ACYP2: variants seen among roughly 807,000 people sequenced by gnomAD.
The protein encoded by ACYP2 is acylphosphatase 2, also known as acylphosphatase-2.
Under a neutral mutation model 11.2 loss-of-function variants are expected in ACYP2, and 12 were observed. The ratio of observed to expected loss-of-function variants is 1.08; its 90% CI spans 0.69 to 1.74. The LOEUF (loss-of-function observed/expected upper bound fraction) is 1.74, where lower values mean the gene tolerates loss of function less well. Among genes scored for constraint, ACYP2 ranks in the 40% most tolerant of loss-of-function variants. ACYP2 has a pLI of 0.00. For synonymous variants in ACYP2, 43 were observed against 32.2 expected (o/e 1.33, Z -1.13); for missense variants, 134 against 101.9 (o/e 1.31, Z -1.35).
intron 2 of ACYP2, among the ~76,000 whole-genome samples, chr2:53,998,792 G>C (rs1039088374): frequency 6.6e-6 from 1 of 152,070 alleles, no homozygotes; most frequent in Admixed American, 6.6e-5. Flanking sequence ...CTCCAGCCTG[G>C]AGGACTGGGT....
At chr2:54,047,616 G>A (rs1386463080) in intron 2 of ACYP2, among the ~76,000 whole-genome samples, 2 of 152,198 alleles carry the variant, frequency 1.3e-5, no homozygotes, top group African/African-American at 4.8e-5. Flanking sequence ...GGAATGAAAT[G>A]TGGAGGTGAG....
At chr2:54,007,060 A>G (rs1673102759) in intron 2 of ACYP2, among the ~76,000 whole-genome samples, 1 of 146,346 alleles carries the variant, frequency 6.8e-6, no homozygotes, top group Non-Finnish European at 1.5e-5. Flanking sequence ...AGGAGGCGGA[A>G]CCTAGGAGGT....
At chr2:54,289,341 G>A (rs999083457) in intron 6 of ACYP2, among the ~76,000 whole-genome samples, 2 of 151,970 alleles carry the variant, frequency 1.3e-5, no homozygotes, top group African/African-American at 2.4e-5. Flanking sequence ...AACTACAGCA[G>A]ATTTAAGTCA....
chr2:54,243,630 C>T (rs1166033981), intron 6 of ACYP2, among the ~76,000 whole-genome samples: 1 of 152,096 alleles, frequency 6.6e-6, no homozygotes, highest in African/African-American at 2.4e-5. Context: ...GAGTAATCCC[C>T]ACAATCTCAG....
intron 4 of ACYP2, among the ~76,000 whole-genome samples, chr2:54,096,705 C>G (rs1050148172): frequency 2.6e-5 from 4 of 152,170 alleles, no homozygotes; most frequent in Admixed American, 6.5e-5. Flanking sequence ...TGGCGGCGCG[C>G]GCCTGCAATC....
chr2:54,015,675 AC>A (rs1673648028), intron 2 of ACYP2, among the ~76,000 whole-genome samples: 5 of 151,866 alleles, frequency 3.3e-5, no homozygotes, highest in African/African-American at 9.7e-5. Flanking sequence ...ACACACACAC[AC>A]ACACACACAC....
intron 2 of ACYP2, among the ~76,000 whole-genome samples, chr2:54,035,268 T>TA (rs1452709366): frequency 1.6e-5 from 2 of 127,674 alleles, no homozygotes; most frequent in East Asian, 7.2e-4. Flanking sequence ...TCTTTTTCTT[T>TA]TTTTTTTTTT....
At chr2:54,203,935 C>A (rs1196359127) in intron 6 of ACYP2, among the ~76,000 whole-genome samples, 1 of 152,104 alleles carries the variant, frequency 6.6e-6, no homozygotes, top group East Asian at 1.9e-4. Context: ...GAATGCAGTC[C>A]AGCACAAATT....
intron 4 of ACYP2, among the ~76,000 whole-genome samples, chr2:54,114,097 T>C: frequency 6.6e-6 from 1 of 152,216 alleles, no homozygotes; most frequent in East Asian, 1.9e-4. Flanking sequence ...TCTAATAGAA[T>C]TGGCACAGTA....
At chr2:54,134,473 A>C (rs1681108384) in intron 4 of ACYP2, among the ~76,000 whole-genome samples, 1 of 152,200 alleles carries the variant, frequency 6.6e-6, no homozygotes, top group Non-Finnish European at 1.5e-5. Context: ...TTAAGAAGAT[A>C]TCTTAAAAGT....
chr2:54,028,699 T>G (rs114837011), intron 2 of ACYP2, among the ~76,000 whole-genome samples: 1 of 152,166 alleles, frequency 6.6e-6, no homozygotes, highest in Non-Finnish European at 1.5e-5. Context: ...TTCGGTCCCA[T>G]TGAATTCCCC....
chr2:54,241,815 C>T (rs1245153039), intron 6 of ACYP2, among the ~76,000 whole-genome samples: 2 of 152,148 alleles, frequency 1.3e-5, no homozygotes, highest in East Asian at 3.9e-4. Context: ...GAGTTCAGGA[C>T]CAGCCTGGCC....
intron 4 of ACYP2, among the ~76,000 whole-genome samples, chr2:54,089,792 C>A (rs979524217): frequency 2.0e-5 from 3 of 151,958 alleles, no homozygotes; most frequent in African/African-American, 7.3e-5. Flanking sequence ...TTAACATGTT[C>A]ATCAAGTCAC....
chr2:54,062,496 C>T (rs1430623243), intron 4 of ACYP2, among the ~76,000 whole-genome samples: 1 of 152,100 alleles, frequency 6.6e-6, no homozygotes, highest in African/African-American at 2.4e-5. Context: ...CTTTTACTTC[C>T]TATATAGGAT....
At chr2:54,091,922 C>G (rs1021992983) in intron 4 of ACYP2, among the ~76,000 whole-genome samples, 2 of 152,046 alleles carry the variant, frequency 1.3e-5, no homozygotes, top group Admixed American at 1.3e-4. Context: ...ACGAGCAAGA[C>G]TGGAGAAAGA....
chr2:54,042,666 G>A (rs1018769549), intron 2 of ACYP2, among the ~76,000 whole-genome samples: 3 of 152,090 alleles, frequency 2.0e-5, no homozygotes, highest in Non-Finnish European at 4.4e-5. Flanking sequence ...CCTAATTAGG[G>A]GTGTGTGTCA....
chr2:54,134,929 GA>G (rs1410610036), intron 4 of ACYP2, among the ~76,000 whole-genome samples: 4 of 152,204 alleles, frequency 2.6e-5, no homozygotes, highest in Non-Finnish European at 5.9e-5. Context: ...CAGTTTCATG[GA>G]CAGAAGATTG....
chr2:54,100,193 T>G (rs1238452826), intron 4 of ACYP2, among the ~76,000 whole-genome samples: 2 of 150,130 alleles, frequency 1.3e-5, no homozygotes, highest in Non-Finnish European at 2.9e-5. Flanking sequence ...CCAGATTTAG[T>G]TCACTGTATA....
At chr2:54,022,459 G>A (rs753123913) in intron 2 of ACYP2, among the ~76,000 whole-genome samples, 9 of 152,118 alleles carry the variant, frequency 5.9e-5, no homozygotes, top group Non-Finnish European at 1.3e-4. Flanking sequence ...GCAGCTCACT[G>A]CAGCCTTGAA....
Sources: gnomAD v4.1 joint callset for allele counts (sites outside exome capture counted in the v4.1 genomes callset) on GRCh38, gnomAD v4.1.1 for gene constraint, MANE v1.5 for transcripts, NCBI Gene and HGNC (gene_info 2026-07-23, HGNC 2026-07-21) for gene names.